BCHE: variants seen among roughly 807,000 people sequenced by gnomAD.
BCHE encodes butyrylcholinesterase.
Under a neutral mutation model 51.3 loss-of-function variants are expected in BCHE, and 48 were observed. That is an observed-to-expected ratio of 0.94 (90% CI 0.74 to 1.19). BCHE has a LOEUF of 1.19. Among genes scored for constraint, BCHE ranks in the 50% most tolerant of loss-of-function variants. The probability of loss-of-function intolerance (pLI) is 0.00; values close to 1 mark genes in which losing one functional copy is unlikely to be tolerated. For missense variants in BCHE, 847 were observed against 708.2 expected (o/e 1.20, Z -2.23); for synonymous variants, 251 against 238.0 (o/e 1.05, Z -0.50).
At chr3:165,774,395 G>A (rs556047525) in intron 3 of BCHE, among the ~76,000 whole-genome samples, 10 of 151,720 alleles carry the variant, frequency 6.6e-5, no homozygotes, top group East Asian at 5.8e-4. Flanking sequence ...GTGCAATGGC[G>A]CCATCTTGGC....
chr3:165,776,557 CT>C (rs1712479014), intron 3 of BCHE, among the ~76,000 whole-genome samples: 1 of 151,728 alleles, frequency 6.6e-6, no homozygotes, highest in South Asian at 2.1e-4. Context: ...AAAGTGGAGG[CT>C]TGATACTAAA....
At chr3:165,799,565 G>A (rs1442431321) in intron 2 of BCHE, among the ~76,000 whole-genome samples, 1 of 152,038 alleles carries the variant, frequency 6.6e-6, no homozygotes, top group African/African-American at 2.4e-5. Flanking sequence ...CCACATTAAG[G>A]TGCATAGACA....
At chr3:165,837,033 G>A (rs1251447910) in intron 1 of BCHE, among the ~76,000 whole-genome samples, 1 of 152,114 alleles carries the variant, frequency 6.6e-6, no homozygotes, top group Non-Finnish European at 1.5e-5. Context: ...ATATATCACA[G>A]TGATTCCACA....
intron 2 of BCHE, among the ~76,000 whole-genome samples, chr3:165,789,124 A>G (rs2108204746): frequency 6.6e-6 from 1 of 152,280 alleles, no homozygotes; most frequent in African/African-American, 2.4e-5. Context: ...CACAAAATAA[A>G]TACTTCAAAA....
At chr3:165,787,413 T>C (rs1373883935) in intron 2 of BCHE, among the ~76,000 whole-genome samples, 2 of 151,676 alleles carry the variant, frequency 1.3e-5, no homozygotes, top group African/African-American at 4.8e-5. Context: ...AGGGAATTTA[T>C]AAGCAAGAAA....
At chr3:165,805,079 T>C (rs558001249) in intron 2 of BCHE, among the ~76,000 whole-genome samples, 1 of 152,256 alleles carries the variant, frequency 6.6e-6, no homozygotes, top group Admixed American at 6.5e-5. Flanking sequence ...AGCAGTTGAA[T>C]GCAGCAAGAA....
At chr3:165,805,954 C>T (rs1242199941) in intron 2 of BCHE, among the ~76,000 whole-genome samples, 2 of 152,142 alleles carry the variant, frequency 1.3e-5, no homozygotes, top group African/African-American at 2.4e-5. Context: ...CATCCTCTGG[C>T]TTGTCTTTTC....
Position 165,786,274 on chromosome 3 carries a change from G to T in BCHE, c.1555C>A (p.Pro519Thr). 6.2e-7 allele frequency: 1 copy of T among 1,611,782 alleles called. No homozygotes were observed. Among genetic ancestry groups the T allele is most frequent in the Admixed American group, 1.7e-5 (1 of 59,844 alleles). ...TTTTGTTCAGTGCTTTTGAAGACAG[G>T]CCAGCTTGTGCTATTGTTCTGAGTC... The part of the protein sequence containing the change: ...NETQNNSTSW[P>T]VFKSTEQKYL... Residue 519 changes from proline to threonine, a missense_variant, in exon 3 of 4, where the codon CCT becomes ACT. Pro to Thr is a conservative substitution (Grantham distance 38). Transcript: ENST00000264381.
intron 2 of BCHE, 119 bp downstream of exon 2, chr3:165,829,398 A>G (rs899146181): frequency 1.1e-6 from 1 of 930,982 alleles, no homozygotes; most frequent in African/African-American, 1.6e-5. Context: ...TGGTACAAAT[A>G]GAACAAATAA....
chr3:165,827,421 T>C (rs1244851753), intron 2 of BCHE, among the ~76,000 whole-genome samples: 1 of 151,470 alleles, frequency 6.6e-6, no homozygotes, highest in African/African-American at 2.4e-5. Flanking sequence ...ATAAGGTTAA[T>C]ATTAAATAAC....
intron 3 of BCHE, among the ~76,000 whole-genome samples, chr3:165,780,922 A>C (rs543170525): frequency 1.4e-4 from 21 of 152,284 alleles, no homozygotes; most frequent in African/African-American, 5.1e-4. Context: ...TGTATACCCA[A>C]AGGAATATAA....
intron 2 of BCHE, among the ~76,000 whole-genome samples, chr3:165,817,952 T>C (rs981135862): frequency 6.6e-6 from 1 of 152,050 alleles, no homozygotes; most frequent in Admixed American, 6.6e-5. Flanking sequence ...AGGTATAATT[T>C]CTTAAAACTC....
intron 2 of BCHE, among the ~76,000 whole-genome samples, chr3:165,815,287 TG>T (rs1714271491): frequency 6.6e-6 from 1 of 151,164 alleles, no homozygotes; most frequent in Non-Finnish European, 1.5e-5. Flanking sequence ...ATTGAATTCT[TG>T]CTCTTTTCCT....
At chr3:165,785,854 A>G (rs1406345765) in intron 3 of BCHE, among the ~76,000 whole-genome samples, 1 of 151,802 alleles carries the variant, frequency 6.6e-6, no homozygotes, top group Non-Finnish European at 1.5e-5. Context: ...CTGAATAACA[A>G]GTAGGGCTCT....
chr3:165,796,103 C>G (rs1713365259), intron 2 of BCHE, among the ~76,000 whole-genome samples: 1 of 151,920 alleles, frequency 6.6e-6, no homozygotes, highest in South Asian at 2.1e-4. Flanking sequence ...TAAAGGGGAA[C>G]AAATTACACT....
intron 3 of BCHE, chr3:165,778,689 AGCTCTAGCT>A (rs1393282165): frequency 2.2e-6 from 1 of 454,046 alleles, no homozygotes; most frequent in Admixed American, 2.4e-5. Flanking sequence ...TCATCTGTGC[AGCTCTAGCT>A]GCTAGTGCAG....
intron 2 of BCHE, among the ~76,000 whole-genome samples, chr3:165,826,662 A>G (rs2108232240): frequency 6.6e-6 from 1 of 152,290 alleles, no homozygotes; most frequent in African/African-American, 2.4e-5. Context: ...AATAGTAGAC[A>G]TAGATTTACT....
chr3:165,812,809 G>C (rs113954747), intron 2 of BCHE, among the ~76,000 whole-genome samples: 18 of 151,822 alleles, frequency 1.2e-4, no homozygotes, highest in Non-Finnish European at 2.7e-4. Context: ...GTGAGTATTG[G>C]AGAGGTGCTT....
chr3:165,792,961 C>A (rs1182736890), intron 2 of BCHE, among the ~76,000 whole-genome samples: 1 of 151,994 alleles, frequency 6.6e-6, no homozygotes, highest in Non-Finnish European at 1.5e-5. Context: ...AATACTTTTT[C>A]TCATTCTGGA....
Sources: allele counts gnomAD v4.1 joint callset (sites outside exome capture counted in the v4.1 genomes callset), GRCh38; gene constraint gnomAD v4.1.1; transcripts MANE v1.5; gene names NCBI Gene and HGNC (gene_info 2026-07-23, HGNC 2026-07-21).